The following TENM4 variants were observed in gnomAD, a reference collection of about 807,000 sequenced individuals.
The protein encoded by TENM4 is teneurin transmembrane protein 4.
A neutral mutation model predicts 243.3 loss-of-function variants in TENM4; 82 were observed. The observed-to-expected ratio is 0.34, with a 90% confidence interval of 0.28 to 0.40. TENM4 has a LOEUF of 0.40. Ranked by LOEUF, TENM4 falls within the 10% of genes least tolerant of loss-of-function variation. TENM4 has a pLI of 1.00. For synonymous variants in TENM4, 1,412 were observed against 1,456.3 expected (o/e 0.97, Z 0.69); for missense variants, 3,138 against 3,673.3 (o/e 0.85, Z 3.77).
At chr11:78,664,111 A>T (rs576674664) in intron 32 of TENM4, among the ~76,000 whole-genome samples, 1 of 152,262 alleles carries the variant, frequency 6.6e-6, no homozygotes, top group South Asian at 2.1e-4. Flanking sequence ...AGTTTACTTA[A>T]CCTCTTTGAG....
chr11:79,209,010 C>G (rs12287236), intron 3 of TENM4, among the ~76,000 whole-genome samples: 6 of 152,122 alleles, frequency 3.9e-5, no homozygotes, highest in Non-Finnish European at 8.8e-5. Flanking sequence ...AACTGACCAC[C>G]GAGGTGTGCA....
At position 78,987,873 on chromosome 11, in the gene TENM4, G is replaced by GT. The variant is rs563043893; in HGVS notation, c.493+76864dup. ...AGAAACTGACGGTAAGGCAGGTTAC[G>GT]TTTTTTCCCCCAGGCCATTCACCCA... On this transcript the variant is annotated intron_variant, in intron 6 of 33. Coordinates refer to ENST00000278550, the MANE Select transcript of TENM4 (RefSeq NM_001098816.3). Among the ~76,000 whole-genome samples the GT allele has an allele frequency of 9.7e-4, 147 of 152,206 alleles. 1 individual carries two copies. Among genetic ancestry groups the GT allele is most frequent in the Middle Eastern group, 3.4e-3 (1 of 294 alleles).
intron 4 of TENM4, among the ~76,000 whole-genome samples, chr11:79,147,102 G>A (rs954491860): frequency 6.6e-6 from 1 of 152,084 alleles, no homozygotes; most frequent in African/African-American, 2.4e-5. Context: ...TCATTACACA[G>A]TCAGCTCATC....
intron 6 of TENM4, among the ~76,000 whole-genome samples, chr11:79,042,497 C>T (rs1345689842): frequency 3.3e-5 from 5 of 152,186 alleles, no homozygotes; most frequent in Non-Finnish European, 7.3e-5. Flanking sequence ...CTCCTTCTAC[C>T]ACGGGAGGAC....
chr11:79,097,855 T>C (rs1410388316), intron 4 of TENM4: 2 of 151,128 alleles, frequency 1.3e-5, no homozygotes, highest in African/African-American at 4.9e-5. Context: ...AGAAAAAAGA[T>C]TCTGAAAAAG....
intron 7 of TENM4, among the ~76,000 whole-genome samples, chr11:78,896,620 C>G (rs990654016): frequency 3.9e-5 from 6 of 152,106 alleles, no homozygotes; most frequent in African/African-American, 1.4e-4. Flanking sequence ...TGCCATCTCT[C>G]CAAAATGCCA....
chr11:78,851,919 A>G (rs1858549041), intron 12 of TENM4, among the ~76,000 whole-genome samples: 1 of 152,248 alleles, frequency 6.6e-6, no homozygotes, highest in Admixed American at 6.5e-5. Flanking sequence ...TCAAAACCCA[A>G]GTTTGTGCTG....
At chr11:78,914,016 G>A (rs139358920) in intron 6 of TENM4, among the ~76,000 whole-genome samples, 17 of 152,232 alleles carry the variant, frequency 1.1e-4, no homozygotes, top group African/African-American at 3.9e-4. Flanking sequence ...AACGCTAAAC[G>A]CCTTATAATG....
At chr11:79,245,741 A>G (rs909831875) in intron 2 of TENM4, among the ~76,000 whole-genome samples, 1 of 152,152 alleles carries the variant, frequency 6.6e-6, no homozygotes, top group East Asian at 1.9e-4. Flanking sequence ...GGAGTTCGAG[A>G]CCAGCCTGGC....
intron 6 of TENM4, among the ~76,000 whole-genome samples, chr11:78,976,654 A>C (rs1178544258): frequency 6.6e-6 from 1 of 152,180 alleles, no homozygotes; most frequent in African/African-American, 2.4e-5. Flanking sequence ...TCACTCCAAG[A>C]AATCTTGAAA....
At chr11:79,264,417 G>C (rs1855849386) in intron 2 of TENM4, among the ~76,000 whole-genome samples, 1 of 152,188 alleles carries the variant, frequency 6.6e-6, no homozygotes, top group Non-Finnish European at 1.5e-5. Flanking sequence ...ACTTGAGCCT[G>C]GCAATCTTCC....
intron 13 of TENM4, among the ~76,000 whole-genome samples, chr11:78,812,708 T>A (rs1352512891): frequency 1.3e-5 from 2 of 151,950 alleles, no homozygotes. Flanking sequence ...CTAATAACAC[T>A]CCACTTTCAC....
intron 6 of TENM4, among the ~76,000 whole-genome samples, chr11:78,967,940 T>C (rs1857470442): frequency 6.6e-6 from 1 of 152,228 alleles, no homozygotes; most frequent in Non-Finnish European, 1.5e-5. Context: ...TTTGGATACC[T>C]GTCCCCTCCA....
intron 2 of TENM4, among the ~76,000 whole-genome samples, chr11:79,286,205 G>GA (rs919684007): frequency 1.1e-4 from 17 of 152,056 alleles, no homozygotes; most frequent in African/African-American, 4.1e-4. Flanking sequence ...ATAATAATGT[G>GA]AAAAAAAGAG....
At chr11:79,040,266 TGAA>T (rs1565178442) in intron 6 of TENM4, among the ~76,000 whole-genome samples, 1 of 152,192 alleles carries the variant, frequency 6.6e-6, no homozygotes, top group Non-Finnish European at 1.5e-5. Flanking sequence ...TGTGTGCAAT[TGAA>T]GAGACAAAGA....
chr11:79,128,316 C>T (rs1432831475), intron 4 of TENM4, among the ~76,000 whole-genome samples: 1 of 152,202 alleles, frequency 6.6e-6, no homozygotes, highest in Non-Finnish European at 1.5e-5. Context: ...CATCAAGTCA[C>T]CATGAAACCT....
chr11:79,190,835 CTCTCCCTCTCCCG>C (rs1863467157), intron 3 of TENM4, among the ~76,000 whole-genome samples: 1 of 66,030 alleles, frequency 1.5e-5, no homozygotes. Context: ...TCCCTTCTCC[CTCTCCCTCTCCCG>C]TCTCCCTCTC....
chr11:78,816,316 T>C lies in TENM4; in HGVS notation c.1682-1921A>G, dbSNP rs1591045145. 3.9e-5 allele frequency among the ~76,000 whole-genome samples: 6 copies of C among 152,360 alleles called. No individual in the cohort carries two copies. The South Asian group carries it at 1.2e-3, about 32-fold the overall frequency. On this transcript the variant is annotated intron_variant, in intron 12 of 33. Coordinates refer to ENST00000278550, the MANE Select transcript of TENM4 (RefSeq NM_001098816.3). ...GAGAATTGCTACAGCACTCTGTAAG[T>C]TCCCCTAATAAATGCTTTGGACAGA... is the stretch of plus-strand genomic sequence containing the variant.
At chr11:78,917,243 C>G (rs542640043) in intron 6 of TENM4, among the ~76,000 whole-genome samples, 117 of 152,320 alleles carry the variant, frequency 7.7e-4, no homozygotes, top group African/African-American at 2.8e-3. Context: ...AACAGAGACT[C>G]CAAATGCAGA....
Sources: gnomAD v4.1 joint callset for allele counts (sites outside exome capture counted in the v4.1 genomes callset) on GRCh38, gnomAD v4.1.1 for gene constraint, MANE v1.5 for transcripts, NCBI Gene and HGNC (gene_info 2026-07-23, HGNC 2026-07-21) for gene names.